MICAL3: variants seen among roughly 807,000 people sequenced by gnomAD.
The protein encoded by MICAL3 is microtubule associated monooxygenase, calponin and LIM domain containing 3, also known as [F-actin]-monooxygenase MICAL3.
MICAL3 carries 62 observed loss-of-function variants against 207.4 expected under a neutral mutation model. That is an observed-to-expected ratio of 0.30 (90% confidence interval 0.24 to 0.37). The LOEUF is 0.37. Among genes scored for constraint, MICAL3 ranks in the 10% least tolerant of loss-of-function variants. The probability of loss-of-function intolerance (pLI) is 1.00; values close to 1 mark genes in which losing one functional copy is unlikely to be tolerated. For synonymous variants in MICAL3, 1,077 were observed against 1,069.3 expected (o/e 1.01, Z -0.14); for missense variants, 2,368 against 2,635.6 (o/e 0.90, Z 2.22).
At chr22:17,814,836 G>A (rs1443395365) in intron 27 of MICAL3, 2 of 146,516 alleles carry the variant, frequency 1.4e-5, no homozygotes, top group African/African-American at 2.5e-5. Context: ...TAGCCGGGCC[G>A]TCCCGTAGGT....
At chr22:17,934,722 C>G (rs981809861) in intron 1 of MICAL3, among the ~76,000 whole-genome samples, 14 of 152,084 alleles carry the variant, frequency 9.2e-5, no homozygotes, top group African/African-American at 3.1e-4. Flanking sequence ...CTGTTTCAGC[C>G]CCAAATCTCC....
intron 1 of MICAL3, among the ~76,000 whole-genome samples, chr22:17,928,357 T>C (rs1456276329): frequency 6.6e-6 from 1 of 151,240 alleles, no homozygotes; most frequent in African/African-American, 2.4e-5. Flanking sequence ...GAGAATGGCG[T>C]GAACCCGGGA....
chr22:17,975,734 G>T (rs868667283), intron 1 of MICAL3, among the ~76,000 whole-genome samples: 56 of 152,238 alleles, frequency 3.7e-4, no homozygotes, highest in African/African-American at 1.3e-3. Flanking sequence ...GAGTTACACA[G>T]ACTCTCCTGA....
At chr22:18,007,138 G>A (rs1178473784) in intron 1 of MICAL3, 1 of 152,144 alleles carries the variant, frequency 6.6e-6, no homozygotes, top group Non-Finnish European at 1.5e-5. Context: ...TTACAGGCGT[G>A]AGCCACCGCG....
chr22:17,822,468 T>C (rs1921753833), intron 23 of MICAL3, among the ~76,000 whole-genome samples: 1 of 152,134 alleles, frequency 6.6e-6, no homozygotes, highest in Non-Finnish European at 1.5e-5. Flanking sequence ...AAAGACAGGG[T>C]GTGCCTGTGG....
intron 22 of MICAL3, among the ~76,000 whole-genome samples, chr22:17,825,945 C>A (rs897540808): frequency 5.3e-5 from 8 of 152,178 alleles, no homozygotes; most frequent in Non-Finnish European, 1.2e-4. Context: ...TGACTGGTGT[C>A]ACCCCTGGTC....
At position 17,864,457 on chromosome 22, in the gene MICAL3, C is replaced by T. The variant is rs571194885; in HGVS notation, c.2605+442G>A. ...GGGCTTAATCAACACAGCTCCAGGCCGTCAGAGGAGCTTGGAAGCAAACTG... is the reference window on the plus strand; with the variant it reads ...GGGCTTAATCAACACAGCTCCAGGCTGTCAGAGGAGCTTGGAAGCAAACTG... On this transcript the variant is annotated intron_variant, in intron 19 of 31. Coordinates refer to ENST00000441493, the MANE Select transcript of MICAL3 (RefSeq NM_015241.3). The T allele has an allele frequency of 6.5e-4, 921 of 1,421,716 alleles. 12 individuals carry two copies. The South Asian group carries it at 0.013, about 20-fold the overall frequency. The allele number at this position is 1,421,716 out of a possible 1,614,324, so 88.1% of individuals were successfully genotyped here.
At position 17,801,154 on chromosome 22, in the gene MICAL3, T is replaced by C. The variant is rs138653746; in HGVS notation, c.5650+7690A>G. On this transcript the variant is annotated intron_variant, in intron 29 of 31. Transcript: ENST00000441493. ...CATCCTGAGTTTCCTTTTTCTTTTT[T>C]TTTTTTTTTTTTTTTTGAGACGGAG... Among the ~76,000 whole-genome samples the C allele has an allele frequency of 1.4e-3, 88 of 62,184 alleles. 24 individuals are homozygous for C. The highest frequency in any genetic ancestry group is 5.8e-3 in the African/African-American group (46 of 7,938). 40.8% of individuals were successfully genotyped at this position (62,184 alleles called of 152,430 possible). A position where few individuals can be genotyped will look rare whatever the true frequency, so the allele number is the denominator to read the frequency against.
chr22:17,912,233 G>C (rs544939691), intron 1 of MICAL3, among the ~76,000 whole-genome samples: 3 of 152,114 alleles, frequency 2.0e-5, no homozygotes, highest in African/African-American at 7.2e-5. Flanking sequence ...GTTTTGATTA[G>C]TATAGCTTTA....
chr22:17,795,694 A>C (rs1320714783), intron 29 of MICAL3, among the ~76,000 whole-genome samples: 1 of 152,252 alleles, frequency 6.6e-6, no homozygotes, highest in African/African-American at 2.4e-5. Context: ...AGCGCGTGTG[A>C]GCGGCCGGCG....
Position 17,808,144 on chromosome 22 carries a change from CG to C in MICAL3, c.5650+699del, listed in dbSNP as rs547644290. Among the ~76,000 whole-genome samples the C allele has an allele frequency of 4.6e-5, 7 of 152,382 alleles. No individual in the cohort carries two copies. In the South Asian group the frequency reaches 1.4e-3, roughly 32 times the overall value. ...TGTGCCCAACTATGCTGAGCGCAGC[CG>C]CGCAGGTTCCCTGGATGGAATGGCA... On this transcript the variant is annotated intron_variant, in intron 29 of 31. Transcript: ENST00000441493.
chr22:17,909,776 A>G (rs747937751), intron 1 of MICAL3, among the ~76,000 whole-genome samples: 2 of 152,270 alleles, frequency 1.3e-5, no homozygotes, highest in Admixed American at 6.5e-5. Context: ...GTAGGGCAGG[A>G]AAGAGCAGAT....
intron 1 of MICAL3, among the ~76,000 whole-genome samples, chr22:18,015,680 C>T (rs1924012684): frequency 2.0e-5 from 3 of 151,974 alleles, no homozygotes; most frequent in Admixed American, 2.0e-4. Flanking sequence ...CGACCACGCG[C>T]GACCCTAAGA....
chr22:18,014,639 A>C (rs1923940447), intron 1 of MICAL3, among the ~76,000 whole-genome samples: 1 of 152,206 alleles, frequency 6.6e-6, no homozygotes, highest in African/African-American at 2.4e-5. Flanking sequence ...TGGGGGAAAA[A>C]GTCCCCAAAG....
At position 17,856,099 on chromosome 22, in the gene MICAL3, G is replaced by A. The variant is rs569236209; in HGVS notation, c.2605+8800C>T. ...AGCATCTGCTCAGGGCCTGTGCACA[G>A]TGCGTGCTACATGTTAGCGACCGCT... On this transcript the variant is annotated intron_variant, in intron 19 of 31. Transcript: ENST00000441493. Among the ~76,000 whole-genome samples, 77 of 152,370 alleles carry A rather than the reference G, an allele frequency of 5.1e-4. 1 individual carries two copies. In the Middle Eastern group the frequency reaches 0.02, roughly 40 times the overall value.
At chr22:17,794,142 C>T (rs1338023888) in intron 29 of MICAL3, among the ~76,000 whole-genome samples, 1 of 152,230 alleles carries the variant, frequency 6.6e-6, no homozygotes, top group African/African-American at 2.4e-5. Context: ...GTTCCCTACA[C>T]AATGATGGCA....
intron 1 of MICAL3, among the ~76,000 whole-genome samples, chr22:17,907,221 G>A (rs549039710): frequency 6.6e-6 from 1 of 152,110 alleles, no homozygotes; most frequent in Non-Finnish European, 1.5e-5. Context: ...GTGGTGAAGG[G>A]GGGGGGTCCC....
rs781396755 is a variant in MICAL3 at position 17,810,566 on chromosome 22, C to T, written c.5556+137G>A. On this transcript the variant is annotated intron_variant, in intron 28 of 31. Coordinates refer to ENST00000441493, the MANE Select transcript of MICAL3 (RefSeq NM_015241.3). The stretch of plus-strand genomic sequence containing the variant: ...CTGTGGCTGCACCAGCCAAAGGTGA[C>T]CTGGGTGGCAGGGAGGCCCGTCTAC... 3.8e-5 allele frequency: 25 copies of T among 658,956 alleles called. No individual in the cohort carries two copies. The South Asian group carries it at 3.9e-4, about 10-fold the overall frequency. The allele number at this position is 658,956 out of a possible 1,614,324, so 40.8% of individuals were successfully genotyped here. A position where few individuals can be genotyped will look rare whatever the true frequency, so the allele number is the denominator to read the frequency against.
At chr22:17,903,930 C>A (rs1305527930) in intron 3 of MICAL3, among the ~76,000 whole-genome samples, 1 of 152,258 alleles carries the variant, frequency 6.6e-6, no homozygotes, top group Non-Finnish European at 1.5e-5. Flanking sequence ...TCATAACGCA[C>A]ACTGTCTGTT....
Sources: gnomAD v4.1 joint callset for allele counts (sites outside exome capture counted in the v4.1 genomes callset) on GRCh38, gnomAD v4.1.1 for gene constraint, MANE v1.5 for transcripts, NCBI Gene and HGNC (gene_info 2026-07-23, HGNC 2026-07-21) for gene names.